The following SBF2 variants were observed in gnomAD, a reference collection of about 807,000 sequenced individuals.
SBF2 encodes myotubularin-related protein 13.
In SBF2, 112 loss-of-function variants were observed where a neutral mutation model predicts 225.2. The ratio of observed to expected loss-of-function variants is 0.50; its 90% confidence interval spans 0.43 to 0.58. The LOEUF is 0.58. Ranked by LOEUF, SBF2 falls within the 20% of genes least tolerant of loss-of-function variation. The pLI, the probability that SBF2 is intolerant of heterozygous loss-of-function variation, is 0.00. For missense variants in SBF2, 1,996 were observed against 2,206.2 expected, an observed-to-expected ratio of 0.90 and a Z score of 1.91; for synonymous variants, 763 against 773.3, an observed-to-expected ratio of 0.99 and a Z score of 0.22.
At chr11:9,897,135 G>A (rs918692723) in intron 16 of SBF2, among the ~76,000 whole-genome samples, 1 of 152,158 alleles carries the variant, frequency 6.6e-6, no homozygotes, top group African/African-American at 2.4e-5. Flanking sequence ...TGACAGATAA[G>A]TGAATAAACA....
At position 9,924,493 on chromosome 11, in the gene SBF2, G is replaced by A. The variant is rs149506929; in HGVS notation, c.1861-28482C>T. On this transcript the variant is annotated intron_variant, in intron 16 of 39. Coordinates refer to ENST00000256190, the MANE Select transcript of SBF2 (RefSeq NM_030962.4). ...GTTGCCCAGGCTTGAGTGCAATGGC[G>A]TGATCTCCGCTCACGGCAACCTCTG... Among the ~76,000 whole-genome samples, 22 of 151,970 alleles carry A rather than the reference G, an allele frequency of 1.4e-4. 1 individual carries two copies. Among genetic ancestry groups the A allele is most frequent in the African/African-American group, 4.3e-4 (18 of 41,456 alleles).
At chr11:9,991,157 T>C (rs766682038) in intron 12 of SBF2, among the ~76,000 whole-genome samples, 7 of 152,210 alleles carry the variant, frequency 4.6e-5, no homozygotes, top group Non-Finnish European at 8.8e-5. Context: ...ATCTAAAGGC[T>C]GATATGTTAG....
chr11:9,780,286 G>GT lies in SBF2; in HGVS notation c.*131_*132insA, dbSNP rs1219921871. The GT allele has an allele frequency of 2.6e-6, 2 of 773,650 alleles. No individual in the cohort carries two copies. Among genetic ancestry groups the GT allele is most frequent in the Admixed American group, 4.0e-5 (2 of 49,916 alleles). 47.9% of individuals were successfully genotyped at this position (773,650 alleles called of 1,614,324 possible). A position where few individuals can be genotyped will look rare whatever the true frequency, so the allele number is the denominator to read the frequency against. On this transcript the variant is annotated 3_prime_UTR_variant, in exon 40 of 40. Transcript: ENST00000256190. ...TAAGTAGATATAGCAACCCCTGCAA[G>GT]AGGGGACTGGGCAGGAGAACCTCAG...
At chr11:10,057,973 T>C in intron 2 of SBF2, among the ~76,000 whole-genome samples, 1 of 151,248 alleles carries the variant, frequency 6.6e-6, no homozygotes, top group Non-Finnish European at 1.5e-5. Flanking sequence ...CACAAAGTCC[T>C]GGCCTGATGA....
chr11:10,170,691 AT>A (rs1449065111), intron 2 of SBF2, among the ~76,000 whole-genome samples: 2 of 151,992 alleles, frequency 1.3e-5, no homozygotes, highest in African/African-American at 4.8e-5. Context: ...AAAGAATGTT[AT>A]TGATATTTTG....
intron 2 of SBF2, among the ~76,000 whole-genome samples, chr11:10,170,966 T>C (rs1430844619): frequency 1.3e-5 from 2 of 152,248 alleles, no homozygotes; most frequent in Non-Finnish European, 2.9e-5. Flanking sequence ...ATAGAAATGC[T>C]AATGATTTTT....
chr11:10,297,555 G>C (rs1317487145), upstream of SBF2, among the ~76,000 whole-genome samples: 1 of 152,128 alleles, frequency 6.6e-6, no homozygotes, highest in Non-Finnish European at 1.5e-5. Context: ...TAATTTTGTA[G>C]TGGTAAGGGG....
At chr11:10,067,088 G>A (rs1453153291) in intron 2 of SBF2, among the ~76,000 whole-genome samples, 3 of 152,060 alleles carry the variant, frequency 2.0e-5, no homozygotes, top group Admixed American at 2.0e-4. Flanking sequence ...GACCAGCCTG[G>A]GCAACACAGT....
intron 2 of SBF2, among the ~76,000 whole-genome samples, chr11:10,129,213 C>T (rs908938538): frequency 1.3e-5 from 2 of 149,786 alleles, no homozygotes; most frequent in African/African-American, 2.5e-5. Flanking sequence ...AAGCGATTCT[C>T]CTGCCTCAAC....
intron 3 of SBF2, among the ~76,000 whole-genome samples, chr11:10,040,261 C>A (rs549322003): frequency 3.2e-4 from 49 of 152,082 alleles, no homozygotes; most frequent in African/African-American, 1.2e-3. Flanking sequence ...CCAAAATTAA[C>A]ATCATCAGTG....
intron 5 of SBF2, among the ~76,000 whole-genome samples, chr11:10,029,373 T>C (rs1220325123): frequency 6.6e-6 from 1 of 152,208 alleles, no homozygotes; most frequent in East Asian, 1.9e-4. Flanking sequence ...CTTCTAATTT[T>C]TATCACTCCA....
At chr11:10,152,726 A>G (rs185155409) in intron 2 of SBF2, among the ~76,000 whole-genome samples, 22 of 152,334 alleles carry the variant, frequency 1.4e-4, no homozygotes, top group Admixed American at 5.9e-4. Context: ...AAGTCAAAGT[A>G]TACCATAAGA....
At chr11:10,266,057 G>A (rs1434721594) in intron 1 of SBF2, among the ~76,000 whole-genome samples, 2 of 152,062 alleles carry the variant, frequency 1.3e-5, no homozygotes, top group Non-Finnish European at 2.9e-5. Flanking sequence ...TTTTCGGCTA[G>A]GCAGAAGACC....
intron 2 of SBF2, among the ~76,000 whole-genome samples, chr11:10,191,650 A>C (rs1408032507): frequency 6.6e-6 from 1 of 152,184 alleles, no homozygotes; most frequent in Non-Finnish European, 1.5e-5. Context: ...AATCTTAGGG[A>C]GGAAAAGTTC....
At chr11:9,917,584 G>A (rs932388699) in intron 16 of SBF2, among the ~76,000 whole-genome samples, 4 of 151,456 alleles carry the variant, frequency 2.6e-5, no homozygotes, top group Non-Finnish European at 2.9e-5. Flanking sequence ...CACCCGCCTC[G>A]GCCTCCCAAA....
chr11:10,054,992 C>T (rs921612640), intron 2 of SBF2, among the ~76,000 whole-genome samples: 1 of 152,064 alleles, frequency 6.6e-6, no homozygotes, highest in Non-Finnish European at 1.5e-5. Context: ...TCACTGCAAC[C>T]TCCACCTCCC....
At chr11:10,063,636 C>T (rs551135164) in intron 2 of SBF2, among the ~76,000 whole-genome samples, 63 of 151,650 alleles carry the variant, frequency 4.2e-4, no homozygotes, top group South Asian at 4.0e-3. Flanking sequence ...GGATTACAGA[C>T]GTGAGCCACC....
intron 16 of SBF2, among the ~76,000 whole-genome samples, chr11:9,912,777 C>T (rs1298785348): frequency 1.3e-5 from 2 of 152,142 alleles, no homozygotes; most frequent in African/African-American, 4.8e-5. Flanking sequence ...TGTCAAGCTA[C>T]ACATTTCTCA....
chr11:10,186,447 G>A (rs1050780007), intron 2 of SBF2, among the ~76,000 whole-genome samples: 3 of 152,088 alleles, frequency 2.0e-5, no homozygotes, highest in Non-Finnish European at 2.9e-5. Context: ...GCAGGAGATC[G>A]CTTGAGTCCA....
Sources: gnomAD v4.1 joint callset for allele counts (sites outside exome capture counted in the v4.1 genomes callset) on GRCh38, gnomAD v4.1.1 for gene constraint, MANE v1.5 for transcripts, NCBI Gene and HGNC (gene_info 2026-07-23, HGNC 2026-07-21) for gene names.